Variants in PMEPA1 observed in about 807,000 individuals in gnomAD.
PMEPA1 encodes protein TMEPAI.
In PMEPA1, 11 loss-of-function variants were observed where a neutral mutation model predicts 23.0. The observed-to-expected ratio is 0.48, with a 90% CI of 0.30 to 0.79. The LOEUF is 0.79. Among genes scored for constraint, PMEPA1 ranks in the 30% least tolerant of loss-of-function variants. PMEPA1 has a pLI of 0.06. For missense variants in PMEPA1, 377 were observed against 390.9 expected (o/e 0.96, Z 0.30); for synonymous variants, 204 against 166.4 (o/e 1.23, Z -1.74).
chr20:57,659,808 C>T (rs2071387295), intron 1 of PMEPA1, 111 bp from the exon 2 acceptor site: 2 of 1,010,732 alleles, frequency 2.0e-6, no homozygotes, highest in East Asian at 2.6e-5. Flanking sequence ...GAGTGCAACC[C>T]AGACTCAGGA....
intron 1 of PMEPA1, among the ~76,000 whole-genome samples, chr20:57,673,589 T>C (rs925617349): frequency 6.6e-6 from 1 of 152,158 alleles, no homozygotes; most frequent in Non-Finnish European, 1.5e-5. Flanking sequence ...GCCTGAGAAC[T>C]GCCACATCCT....
At chr20:57,710,944 A>G (rs563059617), upstream of PMEPA1, 1 of 153,338 alleles carries the variant, frequency 6.5e-6, no homozygotes, top group South Asian at 2.1e-4. Context: ...CAGGCACTTA[A>G]GGAGCACCTA....
rs530361075 is a variant in PMEPA1, at chr20:57,702,990, T to G, written c.109+6484A>C. Among the ~76,000 whole-genome samples, 4 of 152,304 alleles carry G rather than the reference T, an allele frequency of 2.6e-5. No homozygotes were observed. The South Asian group carries it at 8.3e-4, about 32-fold the overall frequency. The stretch of plus-strand genomic sequence containing the variant: ...AGCCCCTGCCCTGGCTGGTAAGTCA[T>G]TCTGGGATTTTTCCCGGTTTGGTGA... On this transcript the variant is annotated intron_variant, in intron 1 of 3. Coordinates refer to ENST00000341744, the MANE Select transcript of PMEPA1 (RefSeq NM_020182.5).
rs888132279 is a variant in PMEPA1, at chr20:57,682,838, C to T, written c.110-23141G>A. ...GGCCCCGCTGAAAAGGAAGGCGGCTCGCCAGATTTGTTTCGAATTATGAAA... is the reference window on the plus strand; with the variant it reads ...GGCCCCGCTGAAAAGGAAGGCGGCTTGCCAGATTTGTTTCGAATTATGAAA... On this transcript the variant is annotated intron_variant, in intron 1 of 3. Transcript: ENST00000341744. The surrounding 1 kb of genome is among the most constrained non-coding windows in gnomAD (Gnocchi z 4.4). 2.6e-5 allele frequency among the ~76,000 whole-genome samples: 4 copies of T among 152,196 alleles called. No individual in the cohort carries two copies. The highest frequency in any genetic ancestry group is 6.5e-5 in the Admixed American group (1 of 15,284).
In PMEPA1 at chr20:57,704,776, G is replaced by A. The variant is rs1194608808; in HGVS notation, c.109+4698C>T. Among the ~76,000 whole-genome samples, 2 of 152,170 alleles carry A rather than the reference G, an allele frequency of 1.3e-5. No individual in the cohort carries two copies. The highest frequency in any genetic ancestry group is 2.4e-5 in the African/African-American group (1 of 41,440). On this transcript the variant is annotated intron_variant, in intron 1 of 3. Coordinates refer to ENST00000341744, the MANE Select transcript of PMEPA1 (RefSeq NM_020182.5). The surrounding 1 kb of genome is among the most constrained non-coding windows in gnomAD (Gnocchi z 4.6). ...GCCACGATGGGAGTGGAGATGGTGG[G>A]GGCAGGCATGTGGGCACACCTGACC...
rs1416505639 is a variant in PMEPA1 at position 57,690,630 on chromosome 20, G to A, written c.109+18844C>T. ...GGTGGCAGGGGCCTGGAGAGCAGGCGCGCACCCCAGCCTGCGCTTCTCCTG... is the reference window on the plus strand; with the variant it reads ...GGTGGCAGGGGCCTGGAGAGCAGGCACGCACCCCAGCCTGCGCTTCTCCTG... On this transcript the variant is annotated intron_variant, in intron 1 of 3. Coordinates refer to ENST00000341744, the MANE Select transcript of PMEPA1 (RefSeq NM_020182.5). 13 of 1,177,274 alleles carry A rather than the reference G, an allele frequency of 1.1e-5. No homozygotes were observed. In the East Asian group the frequency reaches 2.3e-4, roughly 21 times the overall value. 72.9% of individuals were successfully genotyped at this position (1,177,274 alleles called of 1,614,324 possible). A position where few individuals can be genotyped will look rare whatever the true frequency, so the allele number is the denominator to read the frequency against.
chr20:57,708,036 GA>G (rs892892924), intron 1 of PMEPA1, among the ~76,000 whole-genome samples: 1 of 152,206 alleles, frequency 6.6e-6, no homozygotes, highest in African/African-American at 2.4e-5. Context: ...TCCAGGCTGG[GA>G]GGGAGTGTGG....
At chr20:57,660,361 C>G (rs1365116118) in intron 1 of PMEPA1, among the ~76,000 whole-genome samples, 1 of 151,824 alleles carries the variant, frequency 6.6e-6, no homozygotes, top group East Asian at 1.9e-4. Flanking sequence ...TGCCCCAACA[C>G]TCCTACACAC....
At chr20:57,703,309 C>T (rs2072036375) in intron 1 of PMEPA1, among the ~76,000 whole-genome samples, 1 of 152,210 alleles carries the variant, frequency 6.6e-6, no homozygotes, top group Admixed American at 6.5e-5. Context: ...ATATGATCAC[C>T]TGTTAAAAAT....
At chr20:57,660,243 A>G (rs1422946531) in intron 1 of PMEPA1, among the ~76,000 whole-genome samples, 1 of 149,946 alleles carries the variant, frequency 6.7e-6, no homozygotes, top group Non-Finnish European at 1.5e-5. Flanking sequence ...GTGGAATTAA[A>G]CAAAGAGGAG....
At chr20:57,694,284 C>T (rs1192298322) in intron 1 of PMEPA1, among the ~76,000 whole-genome samples, 1 of 152,210 alleles carries the variant, frequency 6.6e-6, no homozygotes, top group Non-Finnish European at 1.5e-5. Context: ...TTTTGCCATA[C>T]TCAAGTACCC....
chr20:57,652,038 GC>G lies in PMEPA1; in HGVS notation c.*14del. 2.1e-6 allele frequency: 3 copies of G among 1,459,052 alleles called. No homozygotes were observed. Among genetic ancestry groups the G allele is most frequent in the Non-Finnish European group, 2.7e-6 (3 of 1,101,386 alleles). The allele number at this position is 1,459,052 out of a possible 1,614,324, so 90.4% of individuals were successfully genotyped here. On this transcript the variant is annotated 3_prime_UTR_variant, in exon 4 of 4. Transcript: ENST00000341744. This position sits in a 1 kb window ranked among gnomAD's most constrained non-coding sequence, Gnocchi z 6.1. ...TTTTCACCTACGCAGCCCCAGCCCG[GC>G]CCCCCTGGGGACCCTAGAGAGGGTG...
intron 1 of PMEPA1, among the ~76,000 whole-genome samples, chr20:57,666,229 C>T (rs575175919): frequency 2.3e-4 from 35 of 152,262 alleles, no homozygotes; most frequent in African/African-American, 7.9e-4. Context: ...ATGGTCTCCT[C>T]CAGAGACAGG....
chr20:57,705,185 G>C (rs1018042319), intron 1 of PMEPA1, among the ~76,000 whole-genome samples: 3 of 152,210 alleles, frequency 2.0e-5, no homozygotes, highest in African/African-American at 4.8e-5. Context: ...TCACAGGCGC[G>C]TGTGTGTTTG....
chr20:57,669,167 AT>A, intron 1 of PMEPA1, among the ~76,000 whole-genome samples: 2 of 139,064 alleles, frequency 1.4e-5, no homozygotes, highest in South Asian at 4.2e-4. Flanking sequence ...TTATTTATTT[AT>A]TTATTTATTT....
At position 57,652,532 on chromosome 20, in the gene PMEPA1, G is replaced by T; in HGVS notation, c.385C>A (p.Arg129Ser). 3 of 1,558,492 alleles carry T rather than the reference G, an allele frequency of 1.9e-6. No homozygotes were observed. The highest frequency in any genetic ancestry group is 2.6e-6 in the Non-Finnish European group (3 of 1,150,844). ...LAVPPFAQRE[R>S]FHRFQPTYPY... ...TAGGTGGGCTGGAAGCGGTGGAAGCGCTCCCGCTGGGCGAAGGGCGGCACG... is the reference window on the plus strand; with the variant it reads ...TAGGTGGGCTGGAAGCGGTGGAAGCTCTCCCGCTGGGCGAAGGGCGGCACG... Residue 129 changes from arginine (R) to serine (S), a missense_variant, in exon 4 of 4, where the codon CGC becomes AGC. Arg to Ser is a moderately radical substitution (Grantham distance 110). Coordinates refer to ENST00000341744, the MANE Select transcript of PMEPA1 (RefSeq NM_020182.5). The surrounding 1 kb of genome is among the most constrained non-coding windows in gnomAD (Gnocchi z 6.1).
At chr20:57,688,101 T>A (rs753749651) in intron 1 of PMEPA1, among the ~76,000 whole-genome samples, 16 of 152,114 alleles carry the variant, frequency 1.1e-4, no homozygotes, top group Admixed American at 2.6e-4. Context: ...AGCCTCCGCC[T>A]CGGGACGGCC....
chr20:57,674,650 G>A (rs1181539458), intron 1 of PMEPA1, among the ~76,000 whole-genome samples: 2 of 152,202 alleles, frequency 1.3e-5, no homozygotes, highest in Non-Finnish European at 2.9e-5. Context: ...CGCCCAGGGG[G>A]ATGTCTTATT....
chr20:57,670,034 G>C (rs2071546249), intron 1 of PMEPA1, among the ~76,000 whole-genome samples: 1 of 152,092 alleles, frequency 6.6e-6, no homozygotes, highest in Non-Finnish European at 1.5e-5. Flanking sequence ...AGGCCGGACA[G>C]TCTCTGCCTG....
Sources: gnomAD v4.1 joint callset for allele counts (sites outside exome capture counted in the v4.1 genomes callset) on GRCh38, gnomAD v4.1.1 for gene constraint, Gnocchi (gnomAD v3.1) non-coding constraint, MANE v1.5 for transcripts, NCBI Gene and HGNC (gene_info 2026-07-23, HGNC 2026-07-21) for gene names.